Variants in SULT4A1 observed in about 807,000 individuals in gnomAD.
The protein encoded by SULT4A1 is sulfotransferase 4A1.
In SULT4A1, 11 loss-of-function variants were observed where a neutral mutation model predicts 35.2. The observed-to-expected ratio is 0.31, with a 90% confidence interval of 0.20 to 0.52. SULT4A1 has a LOEUF of 0.52. SULT4A1 is among the 20% of genes least tolerant of loss of function. The pLI is 0.97. For synonymous variants in SULT4A1, 152 were observed against 151.8 expected (o/e 1.00, Z -0.01); for missense variants, 271 against 383.7 (o/e 0.71, Z 2.45).
At chr22:43,861,232 C>G (rs2049464756) in intron 1 of SULT4A1, among the ~76,000 whole-genome samples, 1 of 152,196 alleles carries the variant, frequency 6.6e-6, no homozygotes, top group South Asian at 2.1e-4. Context: ...CTCCATACAG[C>G]TACAACAGCC....
intron 1 of SULT4A1, among the ~76,000 whole-genome samples, chr22:43,846,901 C>A (rs567096451): frequency 1.8e-4 from 28 of 152,204 alleles, no homozygotes; most frequent in Middle Eastern, 3.2e-3. Flanking sequence ...GTTCCCCACC[C>A]GTGCAGCCCC....
chr22:43,852,701 G>A (rs2049355619), intron 1 of SULT4A1, among the ~76,000 whole-genome samples: 2 of 151,694 alleles, frequency 1.3e-5, no homozygotes, highest in Admixed American at 6.6e-5. Context: ...TCAACACAAT[G>A]CCCTCGACAC....
chr22:43,839,803 AG>A (rs1024654376), intron 3 of SULT4A1, 141 bp downstream of exon 3: 2 of 779,194 alleles, frequency 2.6e-6, no homozygotes, highest in African/African-American at 1.7e-5. Context: ...CCACCTCAGA[AG>A]GGATCTTCAC....
rs527566854 is a variant in SULT4A1, at chr22:43,859,678, A to C, written c.169+2536T>G. Among the ~76,000 whole-genome samples, 20 of 152,362 alleles carry C rather than the reference A, an allele frequency of 1.3e-4. 1 individual carries two copies. The highest frequency in any genetic ancestry group is 4.8e-4 in the African/African-American group (20 of 41,592). ...TCAACAGAAAGGTCCTTCTCAGAAG[A>C]CACAATGGGCTCCTACTGTCTGGAT... On this transcript the variant is annotated intron_variant, in intron 1 of 6. Coordinates refer to ENST00000330884, the MANE Select transcript of SULT4A1 (RefSeq NM_014351.4).
intron 6 of SULT4A1, among the ~76,000 whole-genome samples, chr22:43,828,256 C>A (rs1215522043): frequency 6.6e-6 from 1 of 152,246 alleles, no homozygotes; most frequent in Non-Finnish European, 1.5e-5. Context: ...CAGGTTCATA[C>A]TTACCAACAG....
chr22:43,849,597 C>G (rs573392694), intron 1 of SULT4A1, among the ~76,000 whole-genome samples: 2 of 152,228 alleles, frequency 1.3e-5, no homozygotes, highest in East Asian at 3.9e-4. Context: ...TGGCCAGACT[C>G]CAGGGGAAGA....
intron 1 of SULT4A1, among the ~76,000 whole-genome samples, chr22:43,852,202 AG>A (rs1184475648): frequency 6.6e-6 from 1 of 151,890 alleles, no homozygotes; most frequent in Non-Finnish European, 1.5e-5. Context: ...TTGTTTTTGG[AG>A]GCAGGGTCTC....
At chr22:43,832,182 C>T (rs1370215189) in intron 5 of SULT4A1, among the ~76,000 whole-genome samples, 1 of 152,214 alleles carries the variant, frequency 6.6e-6, no homozygotes, top group African/African-American at 2.4e-5. Context: ...CTCTACCACA[C>T]CGTCCTCTGG....
At position 43,824,534 on chromosome 22, in the gene SULT4A1, T is replaced by C. The variant is rs749516553; in HGVS notation, c.*1467A>G. ...GCCGGGAACATGTCTTTATTAAAGATGCAAGCAAGCACAGAAGGATCATGT... is the reference window on the plus strand; with the variant it reads ...GCCGGGAACATGTCTTTATTAAAGACGCAAGCAAGCACAGAAGGATCATGT... On this transcript the variant is annotated 3_prime_UTR_variant, in exon 7 of 7. Coordinates refer to ENST00000330884, the MANE Select transcript of SULT4A1 (RefSeq NM_014351.4). 1.3e-5 allele frequency: 2 copies of C among 152,044 alleles called. No homozygotes were observed. Among genetic ancestry groups the C allele is most frequent in the African/African-American group, 2.4e-5 (1 of 41,394 alleles). 9.4% of individuals were successfully genotyped at this position (152,044 alleles called of 1,614,324 possible). A position where few individuals can be genotyped will look rare whatever the true frequency, so the allele number is the denominator to read the frequency against.
chr22:43,849,359 T>C (rs2063496269), intron 1 of SULT4A1, among the ~76,000 whole-genome samples: 1 of 152,186 alleles, frequency 6.6e-6, no homozygotes, highest in South Asian at 2.1e-4. Context: ...AAAGGCCTGA[T>C]ACCAAGACCC....
intron 5 of SULT4A1, among the ~76,000 whole-genome samples, chr22:43,832,648 C>T (rs988548286): frequency 2.0e-5 from 3 of 152,096 alleles, no homozygotes; most frequent in Admixed American, 6.5e-5. Context: ...ACACACCACC[C>T]GCCCCAGGGC....
At chr22:43,838,788 G>A (rs1910546262) in intron 4 of SULT4A1, 79 bp downstream of exon 4, 1 of 1,587,944 alleles carries the variant, frequency 6.3e-7, no homozygotes, top group Non-Finnish European at 8.6e-7. Context: ...CCGTGTCGGG[G>A]AAGCACCCAG....
At chr22:43,834,552 G>A (rs1225079882) in intron 4 of SULT4A1, among the ~76,000 whole-genome samples, 1 of 482 alleles carries the variant, frequency 2.1e-3, no homozygotes, top group African/African-American at 8.6e-3. Context: ...TGAGCTTCCC[G>A]CAGCCACACC....
At chr22:43,837,255 T>C (rs1199220175) in intron 4 of SULT4A1, among the ~76,000 whole-genome samples, 2 of 152,188 alleles carry the variant, frequency 1.3e-5, no homozygotes, top group African/African-American at 4.8e-5. Context: ...AAGGCACGTG[T>C]GTGGGACCTT....
At position 43,846,522 on chromosome 22, in the gene SULT4A1, T is replaced by C. The variant is rs572201787; in HGVS notation, c.170-4590A>G. 6.5e-4 allele frequency among the ~76,000 whole-genome samples: 99 copies of C among 152,304 alleles called. 1 individual carries two copies. Among genetic ancestry groups the C allele is most frequent in the African/African-American group, 2.2e-3 (93 of 41,558 alleles). On this transcript the variant is annotated intron_variant, in intron 1 of 6. Coordinates refer to ENST00000330884, the MANE Select transcript of SULT4A1 (RefSeq NM_014351.4). ...CACTGAGTAATCAGAAGGGGATGTGTTGATCAAGGAAGACTTCCTGGAGGA... is the reference window on the plus strand; with the variant it reads ...CACTGAGTAATCAGAAGGGGATGTGCTGATCAAGGAAGACTTCCTGGAGGA...
At chr22:43,833,804 C>T in intron 4 of SULT4A1, 70 bp from the exon 5 acceptor site, 2 of 1,315,856 alleles carry the variant, frequency 1.5e-6, no homozygotes, top group Non-Finnish European at 2.1e-6. Context: ...GCCATCCCCA[C>T]CCCACAGGGC....
chr22:43,838,703 G>C (rs561262034), intron 4 of SULT4A1, among the ~76,000 whole-genome samples, 164 bp downstream of exon 4: 1 of 152,184 alleles, frequency 6.6e-6, no homozygotes, highest in African/African-American at 2.4e-5. Flanking sequence ...CCACGTTCAC[G>C]ACCCTCGGCC....
intron 6 of SULT4A1, 178 bp downstream of exon 6, chr22:43,828,882 G>C: frequency 1.6e-6 from 1 of 633,156 alleles, no homozygotes; most frequent in Non-Finnish European, 2.6e-6. Context: ...CACTCCATGA[G>C]CACTGTGCCA....
At chr22:43,833,393 C>A (rs1372325077) in intron 5 of SULT4A1, among the ~76,000 whole-genome samples, 1 of 152,058 alleles carries the variant, frequency 6.6e-6, no homozygotes, top group Non-Finnish European at 1.5e-5. Flanking sequence ...GTCCCCTCCC[C>A]ACACCCGCCT....
Sources: allele counts gnomAD v4.1 joint callset (sites outside exome capture counted in the v4.1 genomes callset), GRCh38; gene constraint gnomAD v4.1.1; transcripts MANE v1.5; gene names NCBI Gene and HGNC (gene_info 2026-07-23, HGNC 2026-07-21).